COL11A1: variants seen among roughly 807,000 people sequenced by gnomAD.
The protein encoded by COL11A1 is collagen alpha-1(XI) chain.
A neutral mutation model predicts 265.2 loss-of-function variants in COL11A1; 74 were observed. The observed-to-expected ratio is 0.28, with a 90% CI of 0.23 to 0.34. The LOEUF (loss-of-function observed/expected upper bound fraction) is 0.34, where lower values mean the gene tolerates loss of function less well. Among genes scored for constraint, COL11A1 ranks in the 10% least tolerant of loss-of-function variants. The pLI is 1.00. For missense variants in COL11A1, 2,165 were observed against 2,263.6 expected (o/e 0.96, Z 0.88); for synonymous variants, 816 against 727.6 (o/e 1.12, Z -1.96).
At chr1:103,087,379 A>G (rs1415363) in intron 1 of COL11A1, among the ~76,000 whole-genome samples, 120,347 of 152,142 alleles carry the variant, frequency 0.79, 47,891 homozygotes, top group East Asian at 0.99. Context: ...CATTCCACCA[A>G]CTTGATTAAG....
intron 42 of COL11A1, among the ~76,000 whole-genome samples, chr1:102,946,090 C>CA (rs1659234732): frequency 7.4e-6 from 1 of 135,064 alleles, no homozygotes; most frequent in Non-Finnish European, 1.6e-5. Context: ...AAAAACCAAA[C>CA]ACCAGATGTT....
rs35303945 is a variant in COL11A1, at chr1:102,967,227, C to CTTTTTTTTTTTTTTTTTTT, written c.2863-1706_2863-1688dup. Among the ~76,000 whole-genome samples the CTTTTTTTTTTTTTTTTTTT allele has an allele frequency of 4.5e-4, 24 of 52,760 alleles. 8 individuals are homozygous for CTTTTTTTTTTTTTTTTTTT. The highest frequency in any genetic ancestry group is 1.4e-3 in the East Asian group (2 of 1,394). 34.6% of individuals were successfully genotyped at this position (52,760 alleles called of 152,430 possible). A position where few individuals can be genotyped will look rare whatever the true frequency, so the allele number is the denominator to read the frequency against. The stretch of plus-strand genomic sequence containing the variant: ...CCCACAAAACCAAACATAATAAATT[C>CTTTTTTTTTTTTTTTTTTT]TTTTTTTTTTTTTTTTTTTTTTTTT... On this transcript the variant is annotated intron_variant, in intron 37 of 66. Coordinates refer to ENST00000370096, the MANE Select transcript of COL11A1 (RefSeq NM_001854.4).
At chr1:103,002,555 A>T in intron 22 of COL11A1, 74 bp from the exon 23 acceptor site, 1 of 1,324,556 alleles carries the variant, frequency 7.5e-7, no homozygotes, top group Non-Finnish European at 1.1e-6. Flanking sequence ...TCAATTGGAA[A>T]ATACCTCTAC....
At chr1:103,026,957 T>A (rs1667571870) in intron 5 of COL11A1, among the ~76,000 whole-genome samples, 1 of 151,874 alleles carries the variant, frequency 6.6e-6, no homozygotes, top group Non-Finnish European at 1.5e-5. Flanking sequence ...TTTCCTAAGA[T>A]CAAAAAGAGC....
chr1:102,997,845 A>G (rs1664770787), intron 25 of COL11A1, among the ~76,000 whole-genome samples: 1 of 151,948 alleles, frequency 6.6e-6, no homozygotes, highest in Non-Finnish European at 1.5e-5. Flanking sequence ...AGGCTGAGAT[A>G]TTTTCATGAA....
intron 4 of COL11A1, among the ~76,000 whole-genome samples, chr1:103,068,666 C>A (rs1168217435): frequency 6.6e-6 from 1 of 150,600 alleles, no homozygotes; most frequent in Non-Finnish European, 1.5e-5. Context: ...CAAAATGGTC[C>A]CTACTTTCAG....
At chr1:103,002,646 C>T in intron 22 of COL11A1, 101 bp downstream of exon 22, 1 of 1,203,042 alleles carries the variant, frequency 8.3e-7, no homozygotes, top group Non-Finnish European at 1.2e-6. Context: ...ATATACTTAG[C>T]AAAATGTAAT....
At chr1:102,890,623 G>T in intron 57 of COL11A1, 119 bp from the exon 58 acceptor site, 1 of 669,056 alleles carries the variant, frequency 1.5e-6, no homozygotes, top group Non-Finnish European at 2.5e-6. Context: ...AAATAGTAAT[G>T]ATTAATGTTG....
At chr1:103,084,600 A>C (rs1450018906) in intron 1 of COL11A1, among the ~76,000 whole-genome samples, 1 of 152,110 alleles carries the variant, frequency 6.6e-6, no homozygotes, top group Non-Finnish European at 1.5e-5. Flanking sequence ...ATTTAGAAAA[A>C]AAAAAAAAAA....
chr1:103,021,641 T>C, intron 9 of COL11A1, 66 bp downstream of exon 9: 2 of 1,007,250 alleles, frequency 2.0e-6, no homozygotes, highest in Non-Finnish European at 3.2e-6. Flanking sequence ...TACATAATAA[T>C]TTAACATAAT....
Position 103,002,432 on chromosome 1 carries a change from G to A in COL11A1, c.2093C>T (p.Pro698Leu), listed in dbSNP as rs1278300568. Residue 698 changes from proline to leucine, a missense_variant, in exon 23 of 67, where the codon CCT becomes CTT. Coordinates refer to ENST00000370096, the MANE Select transcript of COL11A1 (RefSeq NM_001854.4). ...GPPGQQGNPG[P>L]QGLPGPQGPI... ...GCTGCAGTGGCTTAGACTTACCTGAGGTCCTGGATTCCCTTGTTGACCTGG... is the reference window on the plus strand; with the variant it reads ...GCTGCAGTGGCTTAGACTTACCTGAAGTCCTGGATTCCCTTGTTGACCTGG... 1.2e-6 allele frequency: 2 copies of A among 1,608,608 alleles called. No homozygotes were observed. The highest frequency in any genetic ancestry group is 2.2e-5 in the East Asian group (1 of 44,842).
intron 1 of COL11A1, among the ~76,000 whole-genome samples, chr1:103,086,665 C>A (rs1396833583): frequency 6.6e-6 from 1 of 152,150 alleles, no homozygotes; most frequent in African/African-American, 2.4e-5. Context: ...ATCCGCCCGC[C>A]TCGGCCTCCC....
At chr1:102,898,801 A>G (rs1482136615) in intron 55 of COL11A1, 28 bp from the exon 56 acceptor site, 7 of 1,585,790 alleles carry the variant, frequency 4.4e-6, no homozygotes, top group South Asian at 2.2e-5. Flanking sequence ...ATGGGAGCAC[A>G]TTAGTGATGA....
intron 13 of COL11A1, among the ~76,000 whole-genome samples, chr1:103,013,083 T>C (rs1310518259): frequency 3.3e-5 from 5 of 152,078 alleles, no homozygotes. Flanking sequence ...CTGAAACACA[T>C]ACAGTACAAA....
intron 4 of COL11A1, among the ~76,000 whole-genome samples, chr1:103,037,712 C>A (rs950690710): frequency 6.6e-6 from 1 of 152,152 alleles, no homozygotes; most frequent in Non-Finnish European, 1.5e-5. Context: ...CTGGTGACTG[C>A]ACAATTCCAC....
intron 7 of COL11A1, 39 bp downstream of exon 7, chr1:103,025,482 A>T (rs765870433): frequency 4.5e-6 from 6 of 1,342,164 alleles, no homozygotes; most frequent in Non-Finnish European, 6.4e-6. Flanking sequence ...ACATATTTAA[A>T]AAGTGGGACT....
intron 5 of COL11A1, 103 bp from the exon 6 acceptor site, chr1:103,026,435 A>C (rs757481398): frequency 4.9e-5 from 39 of 791,108 alleles, no homozygotes; most frequent in African/African-American, 1.2e-4. Flanking sequence ...ATGTTAAGAG[A>C]TAAGAAATTA....
chr1:103,005,258 TGAA>T (rs961873824), intron 18 of COL11A1, among the ~76,000 whole-genome samples: 4 of 152,160 alleles, frequency 2.6e-5, no homozygotes, highest in African/African-American at 9.6e-5. Context: ...AAGAAAGATG[TGAA>T]GATCTAAAGC....
intron 31 of COL11A1, among the ~76,000 whole-genome samples, chr1:102,980,076 G>C (rs1488042271): frequency 6.6e-6 from 1 of 152,020 alleles, no homozygotes; most frequent in Admixed American, 6.6e-5. Flanking sequence ...TTATGCATCA[G>C]CTAAATGTAT....
Sources: allele counts gnomAD v4.1 joint callset (sites outside exome capture counted in the v4.1 genomes callset), GRCh38; gene constraint gnomAD v4.1.1; transcripts MANE v1.5; gene names NCBI Gene and HGNC (gene_info 2026-07-23, HGNC 2026-07-21).